NXPH1: variants seen among roughly 807,000 people sequenced by gnomAD.
NXPH1 encodes neurexophilin-1.
Under a neutral mutation model 23.7 loss-of-function variants are expected in NXPH1, and 5 were observed. That is an observed-to-expected ratio of 0.21 (90% confidence interval 0.11 to 0.44). The LOEUF (loss-of-function observed/expected upper bound fraction) is 0.44. Among genes scored for constraint, NXPH1 ranks in the 20% least tolerant of loss-of-function variants. NXPH1 has a pLI of 0.99. For synonymous variants in NXPH1, 144 were observed against 122.2 expected, an observed-to-expected ratio of 1.18 and a Z score of -1.18; for missense variants, 324 against 321.6, an observed-to-expected ratio of 1.01 and a Z score of -0.06.
At chr7:8,655,854 C>G (rs533992091) in intron 2 of NXPH1, among the ~76,000 whole-genome samples, 1 of 152,266 alleles carries the variant, frequency 6.6e-6, no homozygotes, top group Non-Finnish European at 1.5e-5. Flanking sequence ...TATATCAACT[C>G]CTCTGAAAAT....
chr7:8,433,930 T>C lies in NXPH1; in HGVS notation c.-936T>C, dbSNP rs1816142591. The stretch of plus-strand genomic sequence containing the variant: ...TTTACACAGGGTACTAATTAGTCTT[T>C]GAGGAATCATTCACCCACGTGCCAA... On this transcript the variant is annotated 5_prime_UTR_variant, in exon 1 of 3. Transcript: ENST00000405863. This position sits in a 1 kb window ranked among gnomAD's most constrained non-coding sequence, Gnocchi z 6.8. 1 of 152,136 alleles carries C rather than the reference T, an allele frequency of 6.6e-6. No homozygotes were observed. Among genetic ancestry groups the C allele is most frequent in the African/African-American group, 2.4e-5 (1 of 41,420 alleles). 9.4% of individuals were successfully genotyped at this position (152,136 alleles called of 1,614,324 possible).
intron 2 of NXPH1, among the ~76,000 whole-genome samples, chr7:8,496,006 C>G (rs1435759518): frequency 6.6e-6 from 1 of 151,942 alleles, no homozygotes; most frequent in Non-Finnish European, 1.5e-5. Context: ...GTGGAAAGAA[C>G]TTAAGTATGA....
Position 8,751,781 on chromosome 7 carries a change from G to C in NXPH1, c.*12G>C, listed in dbSNP as rs1196118532. 4 of 1,598,376 alleles carry C rather than the reference G, an allele frequency of 2.5e-6. No individual in the cohort carries two copies. Among genetic ancestry groups the C allele is most frequent in the Non-Finnish European group, 3.4e-6 (4 of 1,173,048 alleles). On this transcript the variant is annotated 3_prime_UTR_variant, in exon 3 of 3. Coordinates refer to ENST00000405863, the MANE Select transcript of NXPH1 (RefSeq NM_152745.3). The surrounding 1 kb of genome is among the most constrained non-coding windows in gnomAD (Gnocchi z 4.5). ...TTCCCTCGGGATGAAGGTGAACATG[G>C]GGGTGAGACTGAAGCCTGAGGAATT...
At chr7:8,697,925 T>G (rs1387822977) in intron 2 of NXPH1, among the ~76,000 whole-genome samples, 2 of 152,316 alleles carry the variant, frequency 1.3e-5, no homozygotes, top group Middle Eastern at 3.4e-3. Context: ...GGCAGGATCA[T>G]TTATGGCCTG....
At chr7:8,691,512 T>C (rs1177260826) in intron 2 of NXPH1, among the ~76,000 whole-genome samples, 1 of 152,188 alleles carries the variant, frequency 6.6e-6, no homozygotes, top group African/African-American at 2.4e-5. Flanking sequence ...CAATTTGGTA[T>C]TGGTAAACAT....
intron 2 of NXPH1, among the ~76,000 whole-genome samples, chr7:8,613,717 A>G (rs1432640782): frequency 1.3e-5 from 2 of 151,864 alleles, no homozygotes; most frequent in Non-Finnish European, 2.9e-5. Flanking sequence ...TTTGACTTTG[A>G]TTATCTATAT....
At chr7:8,506,341 G>A (rs536137671) in intron 2 of NXPH1, among the ~76,000 whole-genome samples, 1 of 152,070 alleles carries the variant, frequency 6.6e-6, no homozygotes, top group Non-Finnish European at 1.5e-5. Flanking sequence ...CTAGGAGCAA[G>A]GGACATGGGT....
intron 2 of NXPH1, among the ~76,000 whole-genome samples, chr7:8,729,949 C>T (rs1355505293): frequency 2.1e-5 from 3 of 143,112 alleles, no homozygotes. Flanking sequence ...GTGTTAAAGT[C>T]TCCCATTATT....
chr7:8,489,636 T>C (rs1817216144), intron 2 of NXPH1, among the ~76,000 whole-genome samples: 1 of 152,092 alleles, frequency 6.6e-6, no homozygotes. Flanking sequence ...GGGCAAATAT[T>C]AGGATACTGT....
At chr7:8,487,117 A>T (rs921854300) in intron 2 of NXPH1, among the ~76,000 whole-genome samples, 1 of 152,124 alleles carries the variant, frequency 6.6e-6, no homozygotes, top group South Asian at 2.1e-4. Flanking sequence ...TATGTAATCT[A>T]CTTATCATAT....
intron 2 of NXPH1, among the ~76,000 whole-genome samples, chr7:8,672,435 C>T (rs1820886223): frequency 6.6e-6 from 1 of 151,454 alleles, no homozygotes; most frequent in Admixed American, 6.6e-5. Flanking sequence ...CTAACCTGCA[C>T]ATTGTGCACA....
intron 2 of NXPH1, among the ~76,000 whole-genome samples, chr7:8,731,129 G>A (rs909805156): frequency 1.3e-5 from 2 of 151,594 alleles, no homozygotes; most frequent in Non-Finnish European, 2.9e-5. Flanking sequence ...CCAGTTGATC[G>A]CATCGGCTCC....
At chr7:8,658,042 T>C (rs939500895) in intron 2 of NXPH1, among the ~76,000 whole-genome samples, 8 of 152,034 alleles carry the variant, frequency 5.3e-5, no homozygotes, top group Non-Finnish European at 8.8e-5. Flanking sequence ...AATAAATAAA[T>C]AAAAATAAAA....
In NXPH1 at chr7:8,655,400, TTCTCTCTC is replaced by T. The variant is rs869162322; in HGVS notation, c.55-95566_55-95559del. ...TCTGTCTCTGTCTTTGTCTTTGTCT[TTCTCTCTC>T]TCTCTCTCTCTCTCTCTCTCTCTCT... is the stretch of plus-strand genomic sequence containing the variant. On this transcript the variant is annotated intron_variant, in intron 2 of 2. Transcript: ENST00000405863. Among the ~76,000 whole-genome samples, 289 of 42,846 alleles carry T rather than the reference TTCTCTCTC, an allele frequency of 6.7e-3. 2 individuals are homozygous for T. The highest frequency in any genetic ancestry group is 0.014 in the African/African-American group (203 of 14,248). The allele number at this position is 42,846 out of a possible 152,430, so 28.1% of individuals were successfully genotyped here.
chr7:8,546,916 C>T (rs776283747), intron 2 of NXPH1, among the ~76,000 whole-genome samples: 5 of 151,438 alleles, frequency 3.3e-5, no homozygotes, highest in Non-Finnish European at 7.4e-5. Flanking sequence ...CCCTCAAATA[C>T]TTCTGGTGCC....
At chr7:8,523,727 A>G (rs1431408698) in intron 2 of NXPH1, among the ~76,000 whole-genome samples, 1 of 152,216 alleles carries the variant, frequency 6.6e-6, no homozygotes, top group African/African-American at 2.4e-5. Flanking sequence ...GTGAATGAGT[A>G]AATGAACAGC....
At chr7:8,464,357 T>G (rs549197304) in intron 2 of NXPH1, among the ~76,000 whole-genome samples, 1 of 152,322 alleles carries the variant, frequency 6.6e-6, no homozygotes, top group East Asian at 1.9e-4. Context: ...CTAGTATGCA[T>G]CTTTTTCAAA....
chr7:8,599,770 T>A (rs1389660586), intron 2 of NXPH1, among the ~76,000 whole-genome samples: 1 of 151,848 alleles, frequency 6.6e-6, no homozygotes, highest in Non-Finnish European at 1.5e-5. Flanking sequence ...ACCACACTTG[T>A]TCATAACTTG....
intron 2 of NXPH1, among the ~76,000 whole-genome samples, chr7:8,555,724 C>G (rs1051034561): frequency 6.6e-6 from 1 of 151,686 alleles, no homozygotes; most frequent in Non-Finnish European, 1.5e-5. Flanking sequence ...CAGATCTTGG[C>G]TATAACTTGT....
Sources: gnomAD v4.1 joint callset for allele counts (sites outside exome capture counted in the v4.1 genomes callset) on GRCh38, gnomAD v4.1.1 for gene constraint, Gnocchi (gnomAD v3.1) non-coding constraint, MANE v1.5 for transcripts, NCBI Gene and HGNC (gene_info 2026-07-23, HGNC 2026-07-21) for gene names.